CXADR: variants seen among roughly 807,000 people sequenced by gnomAD.
CXADR encodes coxsackievirus and adenovirus receptor.
A neutral mutation model predicts 40.3 loss-of-function variants in CXADR; 20 were observed. That is an observed-to-expected ratio of 0.50 (90% CI 0.35 to 0.72). The LOEUF is 0.72. Ranked by LOEUF, CXADR falls within the 30% of genes least tolerant of loss-of-function variation. The pLI is 0.01. For synonymous variants in CXADR, 150 were observed against 161.3 expected (o/e 0.93, Z 0.53); for missense variants, 332 against 449.1 (o/e 0.74, Z 2.36).
chr21:17,560,523 G>A (rs2061102779), intron 4 of CXADR, among the ~76,000 whole-genome samples, 179 bp from the exon 5 acceptor site: 1 of 152,168 alleles, frequency 6.6e-6, no homozygotes, highest in Non-Finnish European at 1.5e-5. Flanking sequence ...CATGTGAACT[G>A]GAAGCATGAT....
chr21:17,604,766 C>T, the CXADR span: 1 of 1,407,826 alleles, frequency 7.1e-7, no homozygotes, highest in East Asian at 2.5e-5. Context: ...CAGCTCCTGG[C>T]CATAAAGATA....
rs1411181982 is a variant in CXADR at position 17,567,166 on chromosome 21, T to G, written c.*1474T>G. On this transcript the variant is annotated 3_prime_UTR_variant, in exon 7 of 7. Transcript: ENST00000284878. ...ATTATTTCACTAGCTCTAAAACCTT[T>G]CCCTAGATTTTAGTAGGGAGTTGGT... 1.0e-6 allele frequency: 1 copy of G among 984,758 alleles called. No homozygotes were observed. The highest frequency in any genetic ancestry group is 1.1e-4 in the East Asian group (1 of 8,812). 61.0% of individuals were successfully genotyped at this position (984,758 alleles called of 1,614,324 possible). A position where few individuals can be genotyped will look rare whatever the true frequency, so the allele number is the denominator to read the frequency against.
chr21:17,615,358 AAGAC>A, the CXADR span, among the ~76,000 whole-genome samples: 151 of 152,286 alleles, frequency 9.9e-4, 2 homozygotes, highest in African/African-American at 3.5e-3. Context: ...ATCCTGGAAT[AAGAC>A]AGGAGCAGAG....
intron 7 of CXADR, among the ~76,000 whole-genome samples, chr21:17,578,417 C>T (rs754833463): frequency 1.3e-5 from 2 of 152,312 alleles, no homozygotes; most frequent in Non-Finnish European, 2.9e-5. Flanking sequence ...AGAAGAAGCC[C>T]AAGTCAGCGC....
chr21:17,555,378 T>G (rs2061021358), intron 3 of CXADR, among the ~76,000 whole-genome samples: 1 of 152,200 alleles, frequency 6.6e-6, no homozygotes, highest in Non-Finnish European at 1.5e-5. Flanking sequence ...TACTTTTTAT[T>G]TTACAATAAT....
the CXADR span, chr21:17,613,990 T>G: frequency 6.6e-6 from 1 of 152,302 alleles, no homozygotes; most frequent in East Asian, 1.9e-4. Context: ...TTTATGAATG[T>G]TTTAAATTTG....
chr21:17,590,290 T>C (rs1038406984), intron 7 of CXADR, among the ~76,000 whole-genome samples: 2 of 151,982 alleles, frequency 1.3e-5, no homozygotes, highest in Non-Finnish European at 2.9e-5. Context: ...TTGTGTGCTT[T>C]ACAGAATAAA....
At chr21:17,531,962 G>A (rs553645911) in intron 1 of CXADR, among the ~76,000 whole-genome samples, 3 of 151,374 alleles carry the variant, frequency 2.0e-5, no homozygotes, top group South Asian at 2.1e-4. Context: ...GGTGGTGGGG[G>A]ACAGGGTCTT....
At chr21:17,529,448 A>G (rs2060641927) in intron 1 of CXADR, among the ~76,000 whole-genome samples, 1 of 151,952 alleles carries the variant, frequency 6.6e-6, no homozygotes, top group Admixed American at 6.6e-5. Flanking sequence ...AACCTGTTGA[A>G]CAGCTGGGAT....
Position 17,568,995 on chromosome 21 carries a change from T to C in CXADR, c.*3303T>C, listed in dbSNP as rs559357497. The C allele has an allele frequency of 1.0e-6, 1 of 983,962 alleles. No individual in the cohort carries two copies. The highest frequency in any genetic ancestry group is 1.7e-5 in the African/African-American group (1 of 57,332). 61.0% of individuals were successfully genotyped at this position (983,962 alleles called of 1,614,324 possible). A position where few individuals can be genotyped will look rare whatever the true frequency, so the allele number is the denominator to read the frequency against. On this transcript the variant is annotated 3_prime_UTR_variant, in exon 7 of 7. Transcript: ENST00000284878. ...AGATACCTGATTTTTATTAAAAAGATACTTTTTCAAATTTAAGAGTTAATC... is the reference window on the plus strand; with the variant it reads ...AGATACCTGATTTTTATTAAAAAGACACTTTTTCAAATTTAAGAGTTAATC...
At chr21:17,617,881 A>G in the CXADR span, among the ~76,000 whole-genome samples, 3 of 152,186 alleles carry the variant, frequency 2.0e-5, no homozygotes, top group East Asian at 5.8e-4. Flanking sequence ...TTTCTCTGGT[A>G]GCTTGTGATG....
the CXADR span, among the ~76,000 whole-genome samples, chr21:17,625,884 G>A: frequency 6.6e-6 from 1 of 152,084 alleles, no homozygotes; most frequent in Non-Finnish European, 1.5e-5. Context: ...TTTACTTAAG[G>A]TTGCTTTTCT....
At chr21:17,593,071 T>C in intron 7 of CXADR, 1 of 1,161,604 alleles carries the variant, frequency 8.6e-7, no homozygotes, top group South Asian at 3.4e-5. Flanking sequence ...GAAAAAGTAT[T>C]GCTGATCTTA....
At chr21:17,534,356 A>G (rs1346590259) in intron 1 of CXADR, among the ~76,000 whole-genome samples, 1 of 151,882 alleles carries the variant, frequency 6.6e-6, no homozygotes, top group Non-Finnish European at 1.5e-5. Context: ...CAGCCTCCCA[A>G]AGTGCTGGGA....
chr21:17,633,199 A>G, the CXADR span: 2 of 152,244 alleles, frequency 1.3e-5, no homozygotes, highest in African/African-American at 2.4e-5. Context: ...TCCTTCCAAA[A>G]GAAACACAAT....
chr21:17,600,479 T>C, the CXADR span, among the ~76,000 whole-genome samples: 1 of 152,170 alleles, frequency 6.6e-6, no homozygotes, highest in South Asian at 2.1e-4. Flanking sequence ...TGAATCAGAA[T>C]GGTTATCTAT....
intron 7 of CXADR, among the ~76,000 whole-genome samples, chr21:17,591,528 A>ACTT (rs1380135838): frequency 6.6e-6 from 1 of 152,026 alleles, no homozygotes; most frequent in East Asian, 1.9e-4. Context: ...AAAGTTAAAT[A>ACTT]CTTTGAGATA....
At chr21:17,546,234 TCA>T (rs1015823449) in intron 1 of CXADR, among the ~76,000 whole-genome samples, 1 of 152,220 alleles carries the variant, frequency 6.6e-6, no homozygotes, top group African/African-American at 2.4e-5. Context: ...AGAAACTGTG[TCA>T]CAGTTGATCA....
the CXADR span, among the ~76,000 whole-genome samples, chr21:17,607,499 G>A: frequency 1.3e-5 from 2 of 152,078 alleles, no homozygotes; most frequent in African/African-American, 4.8e-5. Context: ...AACCTCTTTG[G>A]ATTAAAAATG....
Sources: allele counts gnomAD v4.1 joint callset (sites outside exome capture counted in the v4.1 genomes callset), GRCh38; gene constraint gnomAD v4.1.1; transcripts MANE v1.5; gene names NCBI Gene and HGNC (gene_info 2026-07-23, HGNC 2026-07-21).